Variants in CUL2 observed in about 807,000 individuals in gnomAD.
CUL2 encodes cullin 2.
In CUL2, 22 loss-of-function variants were observed where a neutral mutation model predicts 110.2. The observed-to-expected ratio is 0.20, with a 90% CI of 0.14 to 0.28. The LOEUF (loss-of-function observed/expected upper bound fraction) is 0.28. Ranked by LOEUF, CUL2 falls within the 10% of genes least tolerant of loss-of-function variation. CUL2 has a pLI of 1.00. For synonymous variants in CUL2, 279 were observed against 293.2 expected (o/e 0.95, Z 0.49); for missense variants, 631 against 905.5 (o/e 0.70, Z 3.89).
intron 18 of CUL2, among the ~76,000 whole-genome samples, chr10:35,015,024 C>T (rs1452782408): frequency 6.6e-6 from 1 of 152,066 alleles, no homozygotes; most frequent in Non-Finnish European, 1.5e-5. Context: ...CACAGTGGCT[C>T]ACGCCTGTAA....
At chr10:35,017,727 C>A (rs578152813) in intron 17 of CUL2, among the ~76,000 whole-genome samples, 4 of 151,406 alleles carry the variant, frequency 2.6e-5, no homozygotes, top group Non-Finnish European at 5.9e-5. Flanking sequence ...GCTAAATGAC[C>A]CTGGGAGCTC....
intron 2 of CUL2, among the ~76,000 whole-genome samples, chr10:35,065,948 G>C (rs1269366835): frequency 6.6e-6 from 1 of 152,094 alleles, no homozygotes; most frequent in Non-Finnish European, 1.5e-5. Context: ...ATTTTTTAGG[G>C]AGCCAGAATA....
chr10:35,088,065 C>G (rs928354232), intron 1 of CUL2, among the ~76,000 whole-genome samples: 1 of 152,168 alleles, frequency 6.6e-6, no homozygotes, highest in East Asian at 1.9e-4. Context: ...TCAGGAAGTT[C>G]TTTTCTGGTT....
chr10:35,084,450 C>G (rs2087013753), intron 1 of CUL2, among the ~76,000 whole-genome samples: 1 of 152,210 alleles, frequency 6.6e-6, no homozygotes, highest in African/African-American at 2.4e-5. Context: ...AACACTACTA[C>G]TGTCTCAAAA....
chr10:35,076,062 T>C (rs561084117), intron 1 of CUL2, among the ~76,000 whole-genome samples: 3 of 152,246 alleles, frequency 2.0e-5, no homozygotes, highest in African/African-American at 7.2e-5. Context: ...AAATGCAATA[T>C]AGCCATACAA....
chr10:35,075,625 T>C (rs1306336664), intron 1 of CUL2, among the ~76,000 whole-genome samples: 1 of 141,026 alleles, frequency 7.1e-6, no homozygotes, highest in Non-Finnish European at 1.5e-5. Context: ...GGGCCACTTA[T>C]GGGCCCTAAA....
At chr10:35,012,051 TA>T in intron 19 of CUL2, 87 bp from the exon 20 acceptor site, 1 of 674,180 alleles carries the variant, frequency 1.5e-6, no homozygotes, top group Non-Finnish European at 2.4e-6. Context: ...TGAGTGCAAA[TA>T]CTTTTTTTTT....
chr10:35,113,498 C>CAAAAAAA, intron 1 of CUL2, among the ~76,000 whole-genome samples: 11 of 33,312 alleles, frequency 3.3e-4, no homozygotes, highest in African/African-American at 5.0e-4. Flanking sequence ...GACTCTGCCT[C>CAAAAAAA]AAAAAAAAAA....
At position 35,041,555 on chromosome 10, in the gene CUL2, T is replaced by C. The variant is rs2085788588; in HGVS notation, c.715-2473A>G. Among the ~76,000 whole-genome samples, 5 of 151,226 alleles carry C rather than the reference T, an allele frequency of 3.3e-5. No individual in the cohort carries two copies. In the South Asian group the frequency reaches 1.0e-3, roughly 32 times the overall value. On this transcript the variant is annotated intron_variant, in intron 8 of 20. Coordinates refer to ENST00000374749, the MANE Select transcript of CUL2 (RefSeq NM_003591.4). ...TGAGCTTTTCTTTTTCTTTCTTTTG[T>C]CAGACAGGATCTCGCTCTCTGGCCC... is the stretch of plus-strand genomic sequence containing the variant.
chr10:35,115,846 T>A (rs867744645), intron 1 of CUL2, among the ~76,000 whole-genome samples: 2 of 151,870 alleles, frequency 1.3e-5, no homozygotes, highest in African/African-American at 2.4e-5. Flanking sequence ...TGAGCCGAGA[T>A]TGCGCCACTG....
In CUL2 at chr10:35,071,384, G is replaced by A. The variant is rs1333081709; in HGVS notation, c.-22-45C>T. ...AACAATGTTAGCAATAATTCCATGA[G>A]CTTAGTTTTTTTGTTGTTGTTTTTT... On this transcript the variant is annotated intron_variant, in intron 1 of 20. Coordinates refer to ENST00000374749, the MANE Select transcript of CUL2 (RefSeq NM_003591.4). The A allele has an allele frequency of 3.3e-6, 5 of 1,522,952 alleles. No homozygotes were observed. The East Asian group carries it at 9.0e-5, about 28-fold the overall frequency. The allele number at this position is 1,522,952 out of a possible 1,614,324, so 94.3% of individuals were successfully genotyped here.
At chr10:35,020,510 C>A (rs150308567) in intron 17 of CUL2, among the ~76,000 whole-genome samples, 137 of 152,308 alleles carry the variant, frequency 9.0e-4, no homozygotes, top group African/African-American at 3.0e-3. Flanking sequence ...TTTATTCTGG[C>A]AAACACTAGT....
In CUL2 at chr10:35,044,917, T is replaced by A. The variant is rs777929747; in HGVS notation, c.507-49A>T. On this transcript the variant is annotated intron_variant, in intron 6 of 20. Transcript: ENST00000374749. ...TATTCTTGAGAATACAAATTATCTATGGAAATATACCCAAAATATGCCAAA... is the reference window on the plus strand; with the variant it reads ...TATTCTTGAGAATACAAATTATCTAAGGAAATATACCCAAAATATGCCAAA... The A allele has an allele frequency of 4.2e-6, 6 of 1,434,970 alleles. No individual in the cohort carries two copies. In the Admixed American group the frequency reaches 8.7e-5, roughly 21 times the overall value. 88.9% of individuals were successfully genotyped at this position (1,434,970 alleles called of 1,614,324 possible).
In CUL2 at chr10:35,013,818, A is replaced by C; in HGVS notation, c.1888-18T>G. The stretch of plus-strand genomic sequence containing the variant: ...ATATCTTCCTACATTTAAAAATAAA[A>C]CATTTATATTTATAAAAACCAAAAT... On this transcript the variant is annotated intron_variant, in intron 18 of 20. Coordinates refer to ENST00000374749, the MANE Select transcript of CUL2 (RefSeq NM_003591.4). The C allele has an allele frequency of 7.2e-7, 1 of 1,386,700 alleles. No homozygotes were observed. Among genetic ancestry groups the C allele is most frequent in the Non-Finnish European group, 9.6e-7 (1 of 1,045,892 alleles). 85.9% of individuals were successfully genotyped at this position (1,386,700 alleles called of 1,614,324 possible). A position where few individuals can be genotyped will look rare whatever the true frequency, so the allele number is the denominator to read the frequency against.
chr10:35,024,261 G>A (rs2085283360), intron 17 of CUL2, among the ~76,000 whole-genome samples: 1 of 152,104 alleles, frequency 6.6e-6, no homozygotes, highest in Admixed American at 6.6e-5. Context: ...TATAAGTAAT[G>A]CAAAATGTAT....
In CUL2 at chr10:35,009,687, G is replaced by A. The variant is rs1318510626; in HGVS notation, c.*624C>T. The A allele has an allele frequency of 6.6e-6, 1 of 152,450 alleles. No individual in the cohort carries two copies. Among genetic ancestry groups the A allele is most frequent in the East Asian group, 1.9e-4 (1 of 5,192 alleles). 9.4% of individuals were successfully genotyped at this position (152,450 alleles called of 1,614,324 possible). A position where few individuals can be genotyped will look rare whatever the true frequency, so the allele number is the denominator to read the frequency against. Reference sequence around the variant, plus strand: ...AAATAAAGCATTCTTTATGCTGAATGCAGTCCTATGCAGTCAAGAACAATA... The same window carrying A: ...AAATAAAGCATTCTTTATGCTGAATACAGTCCTATGCAGTCAAGAACAATA... On this transcript the variant is annotated 3_prime_UTR_variant, in exon 21 of 21. Transcript: ENST00000374749.
intron 2 of CUL2, among the ~76,000 whole-genome samples, chr10:35,095,943 T>C (rs1455413030): frequency 6.6e-6 from 1 of 152,100 alleles, no homozygotes; most frequent in Non-Finnish European, 1.5e-5. Flanking sequence ...ACGTTTGGAG[T>C]GGCTCATTAA....
At chr10:35,064,515 G>C (rs2086467335) in intron 2 of CUL2, among the ~76,000 whole-genome samples, 1 of 152,066 alleles carries the variant, frequency 6.6e-6, no homozygotes, top group South Asian at 2.1e-4. Context: ...CCCAGGCATG[G>C]TTCCTAGCAC....
At chr10:35,044,722 G>A (rs1488899414) in intron 7 of CUL2, 46 bp from the exon 8 acceptor site, 1 of 1,584,822 alleles carries the variant, frequency 6.3e-7, no homozygotes, top group East Asian at 2.2e-5. Flanking sequence ...AGAACAAGCA[G>A]TTTAAGAAAT....
Sources: gnomAD v4.1 joint callset for allele counts (sites outside exome capture counted in the v4.1 genomes callset) on GRCh38, gnomAD v4.1.1 for gene constraint, MANE v1.5 for transcripts, NCBI Gene and HGNC (gene_info 2026-07-23, HGNC 2026-07-21) for gene names.